Variants in HUNK observed in about 807,000 individuals in gnomAD.
HUNK encodes the protein hormonally up-regulated neu tumor-associated kinase.
In HUNK, 21 loss-of-function variants were observed where a neutral mutation model predicts 61.0. The ratio of observed to expected loss-of-function variants is 0.34; its 90% CI spans 0.24 to 0.50. HUNK has a LOEUF of 0.50. Ranked by LOEUF, HUNK falls within the 20% of genes least tolerant of loss-of-function variation. The pLI is 0.98. For synonymous variants in HUNK, 371 were observed against 386.1 expected (o/e 0.96, Z 0.46); for missense variants, 772 against 945.7 (o/e 0.82, Z 2.41).
chr21:31,931,321 C>T (rs1446606162), intron 2 of HUNK, among the ~76,000 whole-genome samples: 1 of 152,114 alleles, frequency 6.6e-6, no homozygotes, highest in Non-Finnish European at 1.5e-5. Flanking sequence ...TTGCTTATGG[C>T]CAAATTAATC....
Position 31,999,129 on chromosome 21 carries a change from T to C in HUNK, c.2090T>C (p.Leu697Pro), listed in dbSNP as rs150499320. ...LEASLPPLQPLAPVNLAFDMA... is the reference protein window; with the variant it reads ...LEASLPPLQPPAPVNLAFDMA... ...GCCAGCCTGCCCCCACTGCAGCCCC[T>C]AGCCCCTGTGAACCTTGCCTTTGAC... Residue 697 changes from leucine to proline, a missense_variant, in exon 11 of 11, where the codon CTA becomes CCA. Transcript: ENST00000270112. 315 of 1,613,982 alleles carry C rather than the reference T, an allele frequency of 2.0e-4. No individual in the cohort carries two copies. In the African/African-American group the frequency reaches 4.0e-3, roughly 20 times the overall value.
intron 4 of HUNK, among the ~76,000 whole-genome samples, chr21:31,951,331 A>G (rs979208615): frequency 3.9e-5 from 6 of 152,270 alleles, no homozygotes; most frequent in East Asian, 1.9e-4. Context: ...TCAGAGTGAC[A>G]TATATGCTAA....
rs904122600 is a variant in HUNK, at chr21:31,968,159, G to A, written c.875-91G>A. On this transcript the variant is annotated intron_variant, in intron 5 of 10. Coordinates refer to ENST00000270112, the MANE Select transcript of HUNK (RefSeq NM_014586.2). Reference sequence around the variant, plus strand: ...CCCAGCAGTGACTCGGGATGGGCAGGCAAGGTGGCGAGTCCCCTGTGATGG... The same window carrying A: ...CCCAGCAGTGACTCGGGATGGGCAGACAAGGTGGCGAGTCCCCTGTGATGG... 4 of 1,501,334 alleles carry A rather than the reference G, an allele frequency of 2.7e-6. No individual in the cohort carries two copies. In the Admixed American group the frequency reaches 6.9e-5, roughly 26 times the overall value. The allele number at this position is 1,501,334 out of a possible 1,614,324, so 93.0% of individuals were successfully genotyped here. A position where few individuals can be genotyped will look rare whatever the true frequency, so the allele number is the denominator to read the frequency against.
chr21:31,958,813 C>A (rs1312649454), intron 4 of HUNK, 30 bp from the exon 5 acceptor site: 2 of 1,544,118 alleles, frequency 1.3e-6, no homozygotes, highest in Non-Finnish European at 8.8e-7. Flanking sequence ...GGACCTGACT[C>A]CGCTTTCATG....
chr21:31,940,081 C>G, intron 2 of HUNK, 84 bp from the exon 3 acceptor site: 1 of 1,081,706 alleles, frequency 9.2e-7, no homozygotes, highest in South Asian at 1.4e-5. Flanking sequence ...GCTCTAAAAA[C>G]AGTTCATTTC....
intron 1 of HUNK, among the ~76,000 whole-genome samples, chr21:31,892,264 G>A (rs1018053304): frequency 1.5e-4 from 2 of 13,638 alleles, no homozygotes; most frequent in African/African-American, 6.6e-4. Flanking sequence ...AGTCATTATT[G>A]TGTTAGTCAA....
intron 1 of HUNK, among the ~76,000 whole-genome samples, chr21:31,900,254 C>A (rs755947308): frequency 2.0e-5 from 3 of 152,126 alleles, no homozygotes; most frequent in African/African-American, 7.2e-5. Context: ...TCCAGCCCCA[C>A]TGAAATGCCA....
chr21:31,878,725 T>TA (rs1325310905), intron 1 of HUNK, among the ~76,000 whole-genome samples: 2 of 152,148 alleles, frequency 1.3e-5, no homozygotes, highest in African/African-American at 4.8e-5. Flanking sequence ...TTGTGTTTTG[T>TA]AAAAAATTGA....
chr21:31,969,527 T>C (rs2052995405), intron 6 of HUNK, among the ~76,000 whole-genome samples: 1 of 152,086 alleles, frequency 6.6e-6, no homozygotes, highest in Admixed American at 6.5e-5. Context: ...CGCTTCTCCA[T>C]GCTGGTGCGC....
At chr21:31,963,944 A>T (rs1288892062) in intron 5 of HUNK, among the ~76,000 whole-genome samples, 1 of 152,190 alleles carries the variant, frequency 6.6e-6, no homozygotes, top group Non-Finnish European at 1.5e-5. Flanking sequence ...ACTGCCCTTC[A>T]TTCATCTCTG....
At chr21:31,891,290 T>A (rs1445592829) in intron 1 of HUNK, among the ~76,000 whole-genome samples, 1 of 152,226 alleles carries the variant, frequency 6.6e-6, no homozygotes, top group African/African-American at 2.4e-5. Flanking sequence ...GGCACAAGAA[T>A]AGCTTGAACC....
At chr21:31,931,732 C>T (rs939184344) in intron 2 of HUNK, among the ~76,000 whole-genome samples, 2 of 152,146 alleles carry the variant, frequency 1.3e-5, no homozygotes, top group East Asian at 1.9e-4. Flanking sequence ...CCTGATGCCT[C>T]GGTGTTACAC....
At chr21:31,988,979 C>T (rs749671664) in intron 8 of HUNK, among the ~76,000 whole-genome samples, 1 of 152,016 alleles carries the variant, frequency 6.6e-6, no homozygotes, top group Non-Finnish European at 1.5e-5. Context: ...TACAGGCATG[C>T]ACCATTATGC....
intron 1 of HUNK, among the ~76,000 whole-genome samples, chr21:31,906,161 T>C (rs1280500465): frequency 2.6e-5 from 4 of 152,198 alleles, no homozygotes; most frequent in Admixed American, 1.3e-4. Flanking sequence ...CTACAATTAA[T>C]GGATGGTCAC....
At chr21:31,984,933 G>A (rs2053122780) in intron 8 of HUNK, among the ~76,000 whole-genome samples, 2 of 152,164 alleles carry the variant, frequency 1.3e-5, no homozygotes. Flanking sequence ...ACATGGCTGG[G>A]GAGGCCTCAC....
intron 7 of HUNK, among the ~76,000 whole-genome samples, chr21:31,980,854 G>A (rs183114719): frequency 6.6e-5 from 10 of 152,262 alleles, no homozygotes; most frequent in East Asian, 5.8e-4. Flanking sequence ...ATAGGCATGC[G>A]CCACCATGCC....
At chr21:31,955,669 C>T (rs1161511283) in intron 4 of HUNK, among the ~76,000 whole-genome samples, 1 of 152,206 alleles carries the variant, frequency 6.6e-6, no homozygotes. Flanking sequence ...ATATGGTGGT[C>T]ATCCAATGCC....
At position 31,990,182 on chromosome 21, in the gene HUNK, A is replaced by T. The variant is rs1277050995; in HGVS notation, c.1305+6A>T. The T allele has an allele frequency of 6.2e-7, 1 of 1,612,842 alleles. No homozygotes were observed. Among genetic ancestry groups the T allele is most frequent in the Non-Finnish European group, 8.5e-7 (1 of 1,179,044 alleles). The stretch of plus-strand genomic sequence containing the variant: ...TTGAATTCCATGCCGTGCAGGTAAG[A>T]ACTTGGGGGATTATTATGTTAGTCA... On this transcript the variant is annotated splice_donor_region_variant and intron_variant, in intron 9 of 10. Transcript: ENST00000270112.
At chr21:31,962,535 A>G (rs1379757172) in intron 5 of HUNK, among the ~76,000 whole-genome samples, 1 of 152,256 alleles carries the variant, frequency 6.6e-6, no homozygotes, top group African/African-American at 2.4e-5. Flanking sequence ...CAATTTCAGC[A>G]TCACTGGAAT....
Sources: gnomAD v4.1 joint callset for allele counts (sites outside exome capture counted in the v4.1 genomes callset) on GRCh38, gnomAD v4.1.1 for gene constraint, MANE v1.5 for transcripts, NCBI Gene and HGNC (gene_info 2026-07-23, HGNC 2026-07-21) for gene names.